FGGY: variants seen among roughly 807,000 people sequenced by gnomAD.
FGGY encodes the protein FGGY carbohydrate kinase domain-containing protein.
Under a neutral mutation model 71.3 loss-of-function variants are expected in FGGY, and 72 were observed. The observed-to-expected ratio is 1.01, with a 90% CI of 0.84 to 1.23. The LOEUF (loss-of-function observed/expected upper bound fraction) is 1.23, where lower values mean the gene tolerates loss of function less well. FGGY is among the 50% of genes most tolerant of loss of function. The pLI is 0.00. For synonymous variants in FGGY, 251 were observed against 250.3 expected (o/e 1.00, Z -0.02); for missense variants, 668 against 682.3 (o/e 0.98, Z 0.23).
At chr1:59,539,436 C>T (rs1303349909) in intron 7 of FGGY, among the ~76,000 whole-genome samples, 1 of 152,048 alleles carries the variant, frequency 6.6e-6, no homozygotes. Flanking sequence ...ATTAAGGAGC[C>T]CAGAAACAAA....
intron 4 of FGGY, among the ~76,000 whole-genome samples, chr1:59,375,959 G>A (rs1040549598): frequency 3.3e-5 from 5 of 150,824 alleles, no homozygotes; most frequent in African/African-American, 1.2e-4. Flanking sequence ...TGCTGCGGTG[G>A]TTTGGCGGTT....
chr1:59,672,028 G>A (rs2097383448), intron 13 of FGGY, among the ~76,000 whole-genome samples: 1 of 152,164 alleles, frequency 6.6e-6, no homozygotes, highest in African/African-American at 2.4e-5. Flanking sequence ...AGTGAATGGT[G>A]TTTGGAGGCA....
chr1:59,482,570 A>ATATGTG (rs141953820), intron 6 of FGGY, among the ~76,000 whole-genome samples: 2 of 148,044 alleles, frequency 1.4e-5, no homozygotes, highest in South Asian at 4.3e-4. Flanking sequence ...GTGTATATAT[A>ATATGTG]TGTGTGTGTG....
chr1:59,533,701 G>A (rs2095230002), intron 7 of FGGY, among the ~76,000 whole-genome samples: 1 of 146,100 alleles, frequency 6.8e-6, no homozygotes, highest in Non-Finnish European at 1.5e-5. Flanking sequence ...TGAACCCCGA[G>A]CAGCCTAACT....
intron 8 of FGGY, among the ~76,000 whole-genome samples, chr1:59,599,567 G>T (rs1190322114): frequency 6.6e-6 from 1 of 151,386 alleles, no homozygotes; most frequent in African/African-American, 2.4e-5. Flanking sequence ...GGTGGCATGT[G>T]CCTGTAATCC....
chr1:59,431,691 T>C (rs1166716955), intron 5 of FGGY, among the ~76,000 whole-genome samples: 1 of 152,330 alleles, frequency 6.6e-6, no homozygotes, highest in East Asian at 1.9e-4. Flanking sequence ...GGAGAATAGA[T>C]GAAGAAGGAA....
chr1:59,413,805 A>G (rs763811054), intron 5 of FGGY, among the ~76,000 whole-genome samples: 7 of 152,208 alleles, frequency 4.6e-5, no homozygotes, highest in Non-Finnish European at 1.0e-4. Context: ...TACAAAAAAT[A>G]CAATAATTAG....
chr1:59,347,053 CT>C (rs2052126429), intron 4 of FGGY, among the ~76,000 whole-genome samples: 1 of 143,436 alleles, frequency 7.0e-6, no homozygotes, highest in Admixed American at 7.1e-5. Context: ...AAAAGTGTAT[CT>C]TTTTGATGCC....
chr1:59,524,219 G>A (rs143470259), intron 7 of FGGY, among the ~76,000 whole-genome samples: 14 of 152,318 alleles, frequency 9.2e-5, no homozygotes, highest in African/African-American at 2.9e-4. Flanking sequence ...GTGCTGACAC[G>A]CTAGCCTCCT....
intron 10 of FGGY, among the ~76,000 whole-genome samples, chr1:59,627,479 TATATATATATACACAC>T (rs1337945358): frequency 7.5e-6 from 1 of 132,554 alleles, no homozygotes. Context: ...TATATATATA[TATATATATATACACAC>T]ACACACACAC....
chr1:59,747,104 C>G (rs2098205060), intron 14 of FGGY, among the ~76,000 whole-genome samples: 1 of 152,162 alleles, frequency 6.6e-6, no homozygotes, highest in African/African-American at 2.4e-5. Flanking sequence ...CCTCACATAT[C>G]AGCAAGATCA....
At position 59,664,164 on chromosome 1, in the gene FGGY, G is replaced by A. The variant is rs571491632; in HGVS notation, c.1297-3119G>A. On this transcript the variant is annotated intron_variant, in intron 12 of 15. Coordinates refer to ENST00000303721, the MANE Select transcript of FGGY (RefSeq NM_018291.5). ...ATTTGAAGTCTCTTGATTTGCATTC[G>A]GTTCTGTACATTCCCAGTGGAATAG... Among the ~76,000 whole-genome samples the A allele has an allele frequency of 7.2e-4, 109 of 152,228 alleles. No homozygotes were observed. In the Middle Eastern group the frequency reaches 0.017, roughly 24 times the overall value.
chr1:59,705,415 T>C (rs2097750092), intron 14 of FGGY, among the ~76,000 whole-genome samples: 1 of 152,178 alleles, frequency 6.6e-6, no homozygotes, highest in Admixed American at 6.5e-5. Context: ...GTTTTAGACT[T>C]TTATGTGCGC....
At chr1:59,699,755 T>C (rs190801909) in intron 14 of FGGY, among the ~76,000 whole-genome samples, 7 of 152,354 alleles carry the variant, frequency 4.6e-5, no homozygotes, top group Admixed American at 3.9e-4. Context: ...TCGTTCTTAT[T>C]TGCAACAGTT....
intron 6 of FGGY, among the ~76,000 whole-genome samples, chr1:59,477,554 A>G (rs545361592): frequency 6.6e-6 from 1 of 152,272 alleles, no homozygotes; most frequent in South Asian, 2.1e-4. Flanking sequence ...CCTGCTACCC[A>G]TCTGTTCTTG....
intron 14 of FGGY, among the ~76,000 whole-genome samples, chr1:59,702,214 G>A (rs2097715915): frequency 6.6e-6 from 1 of 152,126 alleles, no homozygotes; most frequent in Admixed American, 6.6e-5. Flanking sequence ...TCAACATACG[G>A]GGATTACAAT....
intron 13 of FGGY, among the ~76,000 whole-genome samples, chr1:59,673,079 G>T (rs1249658433): frequency 6.6e-6 from 1 of 152,092 alleles, no homozygotes. Context: ...CTAGATACTG[G>T]TCTAAATGCC....
At chr1:59,605,568 T>C (rs1008186367) in intron 8 of FGGY, among the ~76,000 whole-genome samples, 1 of 152,222 alleles carries the variant, frequency 6.6e-6, no homozygotes, top group African/African-American at 2.4e-5. Context: ...AGCCTATCTT[T>C]TTTCTCCCTG....
At position 59,512,397 on chromosome 1, in the gene FGGY, G is replaced by A; in HGVS notation, c.757G>A (p.Ala253Thr). 1.2e-6 allele frequency: 2 copies of A among 1,613,960 alleles called. No homozygotes were observed. Among genetic ancestry groups the A allele is most frequent in the Non-Finnish European group, 8.5e-7 (1 of 1,179,884 alleles). ...ARDLGLLPGI[A>T]VAASLIDAHA... ...AGACCTTGGCCTTCTCCCTGGGATT[G>A]CGGTCGCAGCTTCACTCATTGATGC... Residue 253 changes from alanine to threonine, a missense_variant, in exon 7 of 16, where the codon GCG (alanine) becomes ACG (threonine). Coordinates refer to ENST00000303721, the MANE Select transcript of FGGY (RefSeq NM_018291.5).
Sources: allele counts gnomAD v4.1 joint callset (sites outside exome capture counted in the v4.1 genomes callset), GRCh38; gene constraint gnomAD v4.1.1; transcripts MANE v1.5; gene names NCBI Gene and HGNC (gene_info 2026-07-23, HGNC 2026-07-21).